Variants in SAMD12 observed in about 807,000 individuals in gnomAD.
The protein encoded by SAMD12 is sterile alpha motif domain containing 12.
SAMD12 carries 9 observed loss-of-function variants against 15.0 expected under a neutral mutation model. That is an observed-to-expected ratio of 0.60 (90% CI 0.36 to 1.05). SAMD12 has a LOEUF of 1.05. Among genes scored for constraint, SAMD12 ranks in the 50% least tolerant of loss-of-function variants. SAMD12 has a pLI of 0.01. For missense variants in SAMD12, 230 were observed against 234.2 expected (o/e 0.98, Z 0.12); for synonymous variants, 86 against 90.1 (o/e 0.96, Z 0.25).
chr8:118,159,064 T>G, the SAMD12 span, among the ~76,000 whole-genome samples: 6 of 151,862 alleles, frequency 4.0e-5, no homozygotes, highest in Non-Finnish European at 7.4e-5. Context: ...AAACATGCCC[T>G]TTTCCCCATC....
intron 1 of SAMD12, among the ~76,000 whole-genome samples, chr8:118,605,956 G>A (rs1314832419): frequency 6.6e-6 from 1 of 151,750 alleles, no homozygotes; most frequent in Non-Finnish European, 1.5e-5. Context: ...TTTCTTATTT[G>A]TGTTTTTATG....
At chr8:118,259,624 C>T (rs1813031174) in intron 4 of SAMD12, among the ~76,000 whole-genome samples, 2 of 152,056 alleles carry the variant, frequency 1.3e-5, no homozygotes, top group African/African-American at 4.8e-5. Flanking sequence ...TCTCTGCATC[C>T]TATCTGTCCA....
At chr8:118,424,332 C>T (rs1217800368) in intron 3 of SAMD12, among the ~76,000 whole-genome samples, 7 of 152,022 alleles carry the variant, frequency 4.6e-5, no homozygotes, top group African/African-American at 7.3e-5. Flanking sequence ...CCTGCAACTA[C>T]GGATCAATAA....
At chr8:118,220,225 G>A (rs540759964) in intron 4 of SAMD12, among the ~76,000 whole-genome samples, 3 of 152,156 alleles carry the variant, frequency 2.0e-5, no homozygotes, top group Non-Finnish European at 2.9e-5. Flanking sequence ...CAGTTCCATC[G>A]TCGTGCTATT....
At chr8:118,344,080 G>T (rs1817507385) in intron 4 of SAMD12, among the ~76,000 whole-genome samples, 1 of 152,150 alleles carries the variant, frequency 6.6e-6, no homozygotes, top group Non-Finnish European at 1.5e-5. Context: ...AGCAAGCGAG[G>T]GACAGCAAAC....
chr8:118,345,950 G>A (rs1817622419), intron 4 of SAMD12, among the ~76,000 whole-genome samples: 1 of 152,194 alleles, frequency 6.6e-6, no homozygotes, highest in Non-Finnish European at 1.5e-5. Flanking sequence ...CAGGAAAGGT[G>A]CTGAAAGAAC....
intron 4 of SAMD12, among the ~76,000 whole-genome samples, chr8:118,222,882 G>A (rs1052298420): frequency 7.2e-5 from 11 of 152,142 alleles, no homozygotes; most frequent in South Asian, 6.2e-4. Context: ...TGAATGTGAT[G>A]CATCCCTCAG....
chr8:118,177,811 T>C, the SAMD12 span, among the ~76,000 whole-genome samples: 1 of 152,248 alleles, frequency 6.6e-6, no homozygotes, highest in East Asian at 1.9e-4. Context: ...ATGTTTTGAA[T>C]AGATCATTCT....
Position 118,235,594 on chromosome 8 carries a change from A to G in SAMD12, c.434-37862T>C, listed in dbSNP as rs112556681. On this transcript the variant is annotated intron_variant, in intron 4 of 4. Transcript: ENST00000409003. ...CATGCAATCAAATGTCAATCTTACTACAAAGTGAAAGAGATCTTAGCAGTG... is the reference window on the plus strand; with the variant it reads ...CATGCAATCAAATGTCAATCTTACTGCAAAGTGAAAGAGATCTTAGCAGTG... 1.6e-3 allele frequency among the ~76,000 whole-genome samples: 242 copies of G among 152,286 alleles called. 1 individual carries two copies. The highest frequency in any genetic ancestry group is 5.6e-3 in the African/African-American group (232 of 41,570).
chr8:118,605,113 A>T (rs1021896116), intron 1 of SAMD12, among the ~76,000 whole-genome samples: 1 of 152,158 alleles, frequency 6.6e-6, no homozygotes, highest in African/African-American at 2.4e-5. Flanking sequence ...TCCAACACAG[A>T]TACGCCTTTC....
intron 2 of SAMD12, among the ~76,000 whole-genome samples, chr8:118,490,841 C>T (rs2515046): frequency 0.45 from 67,662 of 151,838 alleles, 15,534 homozygotes; most frequent in East Asian, 0.63. Context: ...TTTATCTGCA[C>T]GGTTACACAG....
At chr8:118,294,114 G>A (rs1814573972) in intron 4 of SAMD12, among the ~76,000 whole-genome samples, 1 of 152,188 alleles carries the variant, frequency 6.6e-6, no homozygotes, top group Non-Finnish European at 1.5e-5. Flanking sequence ...AGGTTAGGTG[G>A]GGAAAACACT....
At chr8:118,291,965 T>A (rs1285645574) in intron 4 of SAMD12, among the ~76,000 whole-genome samples, 1 of 151,196 alleles carries the variant, frequency 6.6e-6, no homozygotes, top group African/African-American at 2.4e-5. Flanking sequence ...TATGTTTCTT[T>A]TCTTATCTGT....
At chr8:118,146,714 C>T in the SAMD12 span, among the ~76,000 whole-genome samples, 1 of 152,144 alleles carries the variant, frequency 6.6e-6, no homozygotes. Context: ...CTCTCAGAAG[C>T]ATCAGACCAA....
At chr8:118,469,555 TA>T (rs370991599) in intron 2 of SAMD12, among the ~76,000 whole-genome samples, 3 of 3,468 alleles carry the variant, frequency 8.7e-4, no homozygotes, top group Admixed American at 6.0e-3. Flanking sequence ...TTATTATATA[TA>T]ATATATTATA....
intron 2 of SAMD12, among the ~76,000 whole-genome samples, chr8:118,481,969 G>A (rs1205854028): frequency 1.3e-5 from 2 of 152,186 alleles, no homozygotes; most frequent in African/African-American, 4.8e-5. Context: ...ACAGCCCCAT[G>A]AGGTAGATTA....
intron 2 of SAMD12, among the ~76,000 whole-genome samples, chr8:118,569,423 TA>T (rs1021906972): frequency 6.6e-6 from 1 of 151,986 alleles, no homozygotes; most frequent in Non-Finnish European, 1.5e-5. Context: ...TTCCAAAATC[TA>T]AAAAAAATCC....
intron 4 of SAMD12, among the ~76,000 whole-genome samples, chr8:118,322,139 C>T (rs1816317782): frequency 1.3e-5 from 2 of 152,192 alleles, no homozygotes; most frequent in African/African-American, 4.8e-5. Context: ...ATTACTCTTT[C>T]CTCTACCCTT....
chr8:118,528,287 C>T (rs187508613), intron 2 of SAMD12, among the ~76,000 whole-genome samples: 1 of 152,314 alleles, frequency 6.6e-6, no homozygotes, highest in East Asian at 1.9e-4. Flanking sequence ...CCGCCTTGGC[C>T]TCCCAAAGTG....
Sources: gnomAD v4.1 joint callset for allele counts (sites outside exome capture counted in the v4.1 genomes callset) on GRCh38, gnomAD v4.1.1 for gene constraint, MANE v1.5 for transcripts, NCBI Gene and HGNC (gene_info 2026-07-23, HGNC 2026-07-21) for gene names.